The following CEP135 variants were observed in gnomAD, a reference collection of about 807,000 sequenced individuals.
CEP135 encodes centrosomal protein 135, also known as centrosomal protein of 135 kDa.
Under a neutral mutation model 157.3 loss-of-function variants are expected in CEP135, and 142 were observed. The observed-to-expected ratio is 0.90, with a 90% CI of 0.79 to 1.04. The LOEUF is 1.04. Ranked by LOEUF, CEP135 falls within the 50% of genes least tolerant of loss-of-function variation. CEP135 has a pLI of 0.00. For missense variants in CEP135, 1,317 were observed against 1,309.2 expected, an observed-to-expected ratio of 1.01 and a Z score of -0.09; for synonymous variants, 396 against 439.8, an observed-to-expected ratio of 0.90 and a Z score of 1.25.
intron 21 of CEP135, among the ~76,000 whole-genome samples, chr4:56,013,931 A>T (rs1416105050): frequency 6.6e-6 from 1 of 152,184 alleles, no homozygotes; most frequent in Admixed American, 6.5e-5. Context: ...AGGACAATGG[A>T]TATTTGGACA....
chr4:55,972,766 T>C (rs1729068504), intron 10 of CEP135, among the ~76,000 whole-genome samples: 1 of 152,210 alleles, frequency 6.6e-6, no homozygotes, highest in Non-Finnish European at 1.5e-5. Context: ...GTGCGGTGGC[T>C]CACGCCTGTA....
intron 21 of CEP135, among the ~76,000 whole-genome samples, chr4:56,013,283 T>A (rs1387248297): frequency 6.6e-6 from 1 of 152,202 alleles, no homozygotes. Flanking sequence ...TTCTGGAGAT[T>A]AATACCTTAG....
chr4:55,966,061 G>A lies in CEP135; in HGVS notation c.1044+202G>A, dbSNP rs1728835290. On this transcript the variant is annotated intron_variant, in intron 8 of 25. Transcript: ENST00000257287. The stretch of plus-strand genomic sequence containing the variant: ...TTGTAGTTGTTTTAGTTGTTTGAGT[G>A]TCTCTCTGAAGCACACCTATTCTTA... The A allele has an allele frequency of 1.9e-5, 10 of 526,446 alleles. No homozygotes were observed. In the East Asian group the frequency reaches 3.2e-4, roughly 17 times the overall value. 32.6% of individuals were successfully genotyped at this position (526,446 alleles called of 1,614,324 possible).
At chr4:55,988,223 G>T (rs559336901) in intron 14 of CEP135, among the ~76,000 whole-genome samples, 2 of 151,518 alleles carry the variant, frequency 1.3e-5, no homozygotes, top group South Asian at 2.1e-4. Flanking sequence ...ATAAGAGTGT[G>T]GGGGGCGGGG....
At chr4:55,993,851 T>A (rs537465420) in intron 15 of CEP135, among the ~76,000 whole-genome samples, 15 of 152,242 alleles carry the variant, frequency 9.9e-5, no homozygotes, top group Non-Finnish European at 1.8e-4. Context: ...TTTTCTCTTA[T>A]GAGCTCAATC....
chr4:55,974,116 C>G (rs1426800313), intron 10 of CEP135, among the ~76,000 whole-genome samples: 3 of 152,148 alleles, frequency 2.0e-5, no homozygotes, highest in African/African-American at 7.2e-5. Flanking sequence ...TGGTGCTGGG[C>G]ATGTAGTAAA....
chr4:56,008,589 T>C lies in CEP135; in HGVS notation c.2336+207T>C, dbSNP rs551303201. Among the ~76,000 whole-genome samples, 14 of 152,350 alleles carry C rather than the reference T, an allele frequency of 9.2e-5. No individual in the cohort carries two copies. In the South Asian group the frequency reaches 2.3e-3, roughly 25 times the overall value. On this transcript the variant is annotated intron_variant, in intron 18 of 25. Coordinates refer to ENST00000257287, the MANE Select transcript of CEP135 (RefSeq NM_025009.5). ...TCTGTCATCCACATCTAAACACTTA[T>C]GTCTTATTAACTATTCTCCTATATA...
At chr4:55,975,237 A>G (rs562805466) in intron 11 of CEP135, among the ~76,000 whole-genome samples, 9 of 151,526 alleles carry the variant, frequency 5.9e-5, no homozygotes, top group Non-Finnish European at 1.2e-4. Flanking sequence ...GCCTTCCAGT[A>G]CTCATATTGT....
In CEP135 at chr4:55,985,951, A is replaced by C. The variant is rs559946659; in HGVS notation, c.1857+593A>C. 3.9e-5 allele frequency among the ~76,000 whole-genome samples: 6 copies of C among 152,226 alleles called. No individual in the cohort carries two copies. The South Asian group carries it at 1.2e-3, about 32-fold the overall frequency. On this transcript the variant is annotated intron_variant, in intron 14 of 25. Coordinates refer to ENST00000257287, the MANE Select transcript of CEP135 (RefSeq NM_025009.5). ...CAAGACTACAACTCCAAAAAAAATC[A>C]CAAAATAGTATACTAGAAAAGCTGT... is the stretch of plus-strand genomic sequence containing the variant.
chr4:55,953,153 G>A lies in CEP135; in HGVS notation c.182G>A (p.Ser61Asn). 1 of 1,607,592 alleles carries A rather than the reference G, an allele frequency of 6.2e-7. No individual in the cohort carries two copies. The highest frequency in any genetic ancestry group is 2.3e-5 in the East Asian group (1 of 44,424). ...KLSAVKAEKE[S>N]ANFDFVLEPY... ...TCTGCTGTGAAAGCTGAAAAAGAAA[G>A]TGCCAATTTTGATTTTGTTTTGGAA... Residue 61 changes from serine to asparagine, a missense_variant, in exon 3 of 26, where the codon AGT (serine) becomes AAT (asparagine). Ser to Asn is a conservative substitution (Grantham distance 46). Coordinates refer to ENST00000257287, the MANE Select transcript of CEP135 (RefSeq NM_025009.5).
intron 17 of CEP135, among the ~76,000 whole-genome samples, chr4:56,004,023 A>G (rs147522583): frequency 2.3e-4 from 35 of 152,194 alleles, no homozygotes; most frequent in Non-Finnish European, 5.0e-4. Context: ...CTCAGCCTCA[A>G]CTTTTTTGAT....
At chr4:55,998,563 A>G (rs1034601567) in intron 15 of CEP135, among the ~76,000 whole-genome samples, 3 of 152,180 alleles carry the variant, frequency 2.0e-5, no homozygotes, top group African/African-American at 7.2e-5. Context: ...AAGAAGCAAT[A>G]TTAAAAGTTC....
intron 25 of CEP135, among the ~76,000 whole-genome samples, chr4:56,031,102 A>T (rs1472694131): frequency 2.6e-5 from 4 of 152,150 alleles, no homozygotes; most frequent in Non-Finnish European, 5.9e-5. Context: ...ACTGCACTCC[A>T]GCCTGGGCAA....
chr4:55,959,622 G>A lies in CEP135; in HGVS notation c.615-60G>A, dbSNP rs144775748. On this transcript the variant is annotated intron_variant, in intron 5 of 25. Coordinates refer to ENST00000257287, the MANE Select transcript of CEP135 (RefSeq NM_025009.5). ...TTTATGAAATAACACATCTAGCTTCGTTTCTTATTTTGTATTTCTTAACAA... is the reference window on the plus strand; with the variant it reads ...TTTATGAAATAACACATCTAGCTTCATTTCTTATTTTGTATTTCTTAACAA... 2.3e-4 allele frequency: 321 copies of A among 1,411,232 alleles called. No individual in the cohort carries two copies. In the East Asian group the frequency reaches 5.6e-3, roughly 24 times the overall value. The allele number at this position is 1,411,232 out of a possible 1,614,324, so 87.4% of individuals were successfully genotyped here. A position where few individuals can be genotyped will look rare whatever the true frequency, so the allele number is the denominator to read the frequency against.
At chr4:56,024,475 C>T (rs763347872) in intron 24 of CEP135, 26 bp from the exon 25 acceptor site, 9 of 1,558,856 alleles carry the variant, frequency 5.8e-6, no homozygotes, top group Non-Finnish European at 8.0e-6. Flanking sequence ...TTGAATATAT[C>T]TCTCTTGTTT....
chr4:55,953,415 C>T, intron 3 of CEP135, 140 bp downstream of exon 3: 2 of 572,852 alleles, frequency 3.5e-6, no homozygotes, highest in Non-Finnish European at 2.7e-6. Flanking sequence ...CCTATAGTCC[C>T]AGCTACTCGG....
At position 55,964,675 on chromosome 4, in the gene CEP135, C is replaced by T. The variant is rs1415186619; in HGVS notation, c.828+273C>T. On this transcript the variant is annotated intron_variant, in intron 7 of 25. Transcript: ENST00000257287. Reference sequence around the variant, plus strand: ...AGAATAAACTCTGGGCACATGATTGCCAATTTGCTTTTAAGAAAATGTATA... The same window carrying T: ...AGAATAAACTCTGGGCACATGATTGTCAATTTGCTTTTAAGAAAATGTATA... 4.6e-5 allele frequency among the ~76,000 whole-genome samples: 7 copies of T among 151,942 alleles called. No individual in the cohort carries two copies. The East Asian group carries it at 1.3e-3, about 29-fold the overall frequency.
intron 11 of CEP135, among the ~76,000 whole-genome samples, chr4:55,975,257 C>T (rs940868298): frequency 6.6e-6 from 1 of 152,112 alleles, no homozygotes; most frequent in Non-Finnish European, 1.5e-5. Context: ...TTGGACATTC[C>T]CTCTCTTTTT....
Position 55,952,101 on chromosome 4 carries a change from A to G in CEP135, c.-30A>G. ...TTTCTCTCAGGACTTTAATTTTTGGAAGTGAATAAAACTTGTTTTAGAAGA... is the reference window on the plus strand; with the variant it reads ...TTTCTCTCAGGACTTTAATTTTTGGGAGTGAATAAAACTTGTTTTAGAAGA... On this transcript the variant is annotated 5_prime_UTR_variant, in exon 2 of 26. Transcript: ENST00000257287. 8.8e-7 allele frequency: 1 copy of G among 1,138,826 alleles called. No homozygotes were observed. Among genetic ancestry groups the G allele is most frequent in the Non-Finnish European group, 1.3e-6 (1 of 770,128 alleles). The allele number at this position is 1,138,826 out of a possible 1,614,324, so 70.5% of individuals were successfully genotyped here.
Sources: gnomAD v4.1 joint callset for allele counts (sites outside exome capture counted in the v4.1 genomes callset) on GRCh38, gnomAD v4.1.1 for gene constraint, MANE v1.5 for transcripts, NCBI Gene and HGNC (gene_info 2026-07-23, HGNC 2026-07-21) for gene names.